Variants in PARD3B observed in about 807,000 individuals in gnomAD.
PARD3B encodes the protein par-3 family cell polarity regulator beta.
PARD3B carries 103 observed loss-of-function variants against 130.2 expected under a neutral mutation model. The ratio of observed to expected loss-of-function variants is 0.79; its 90% CI spans 0.67 to 0.93. The LOEUF is 0.93. Ranked by LOEUF, PARD3B falls within the 40% of genes least tolerant of loss-of-function variation. The pLI is 0.00. For missense variants in PARD3B, 1,609 were observed against 1,499.2 expected (o/e 1.07, Z -1.21); for synonymous variants, 583 against 553.2 (o/e 1.05, Z -0.76).
At chr2:204,828,188 A>T (rs1456495918) in intron 2 of PARD3B, among the ~76,000 whole-genome samples, 1 of 152,174 alleles carries the variant, frequency 6.6e-6, no homozygotes, top group Non-Finnish European at 1.5e-5. Context: ...TTAACCTCTA[A>T]GCAGCAATTG....
chr2:205,517,945 G>A (rs1293899578), intron 21 of PARD3B, among the ~76,000 whole-genome samples: 2 of 152,138 alleles, frequency 1.3e-5, no homozygotes, highest in Non-Finnish European at 2.9e-5. Context: ...TGGTCTGAGA[G>A]TGTGTTTGTT....
chr2:204,776,711 T>G (rs1223276135), intron 2 of PARD3B, among the ~76,000 whole-genome samples: 1 of 151,950 alleles, frequency 6.6e-6, no homozygotes, highest in Non-Finnish European at 1.5e-5. Context: ...ACTATTTGCC[T>G]GGGGTCTGGT....
intron 18 of PARD3B, among the ~76,000 whole-genome samples, chr2:205,367,532 T>C (rs1414442523): frequency 6.6e-6 from 1 of 152,200 alleles, no homozygotes; most frequent in East Asian, 1.9e-4. Flanking sequence ...CCCATCTGTC[T>C]AAAATGGTTT....
intron 11 of PARD3B, among the ~76,000 whole-genome samples, chr2:205,167,903 T>C (rs531229992): frequency 2.2e-4 from 33 of 152,304 alleles, no homozygotes; most frequent in African/African-American, 6.3e-4. Context: ...GCAAAAGACA[T>C]GCTCAAGGAC....
At chr2:204,670,527 C>G (rs2036249695) in intron 1 of PARD3B, among the ~76,000 whole-genome samples, 1 of 151,904 alleles carries the variant, frequency 6.6e-6, no homozygotes, top group African/African-American at 2.4e-5. Context: ...TCAAGGGATA[C>G]CAGTGTGCTT....
intron 4 of PARD3B, among the ~76,000 whole-genome samples, chr2:205,054,157 C>A (rs956113978): frequency 6.6e-6 from 1 of 151,636 alleles, no homozygotes; most frequent in Non-Finnish European, 1.5e-5. Context: ...TAGGAAAAAA[C>A]CTGAAGCCCA....
At chr2:205,368,965 A>G (rs545561972) in intron 18 of PARD3B, among the ~76,000 whole-genome samples, 1 of 152,252 alleles carries the variant, frequency 6.6e-6, no homozygotes, top group East Asian at 1.9e-4. Context: ...AGTGTGCTTC[A>G]TAACCTGTAC....
At position 205,442,290 on chromosome 2, in the gene PARD3B, C is replaced by CTTTT. The variant is rs71410814; in HGVS notation, c.3044+1641_3044+1644dup. On this transcript the variant is annotated intron_variant, in intron 20 of 22. Coordinates refer to ENST00000406610, the MANE Select transcript of PARD3B (RefSeq NM_001302769.2). ...GGTAAGCCACAAGGAACAGGTTTTC[C>CTTTT]TTTTTTTTTTTTTTTTTTTTTTTTT... 3.3e-3 allele frequency among the ~76,000 whole-genome samples: 346 copies of CTTTT among 105,988 alleles called. 15 individuals carry two copies. The highest frequency in any genetic ancestry group is 8.7e-3 in the South Asian group (28 of 3,212). 69.5% of individuals were successfully genotyped at this position (105,988 alleles called of 152,430 possible).
intron 19 of PARD3B, among the ~76,000 whole-genome samples, chr2:205,410,412 A>T (rs891031933): frequency 6.6e-6 from 1 of 152,096 alleles, no homozygotes; most frequent in African/African-American, 2.4e-5. Flanking sequence ...CTTCTGTTTT[A>T]TTATTCATTT....
chr2:205,074,349 C>T (rs1201390347), intron 4 of PARD3B, among the ~76,000 whole-genome samples: 1 of 152,096 alleles, frequency 6.6e-6, no homozygotes, highest in South Asian at 2.1e-4. Flanking sequence ...CAATGATTTT[C>T]CACTCATTTG....
At chr2:204,797,193 A>C (rs978367441) in intron 2 of PARD3B, among the ~76,000 whole-genome samples, 2 of 151,832 alleles carry the variant, frequency 1.3e-5, no homozygotes, top group Admixed American at 1.3e-4. Flanking sequence ...AAAAAAAAAA[A>C]AAGTTTATGC....
chr2:205,390,147 AC>A (rs1362630342), intron 18 of PARD3B, among the ~76,000 whole-genome samples: 1 of 151,404 alleles, frequency 6.6e-6, no homozygotes, highest in African/African-American at 2.4e-5. Context: ...TTGTATTTAT[AC>A]AATAAATGCT....
At chr2:205,003,318 T>G (rs1236549469) in intron 3 of PARD3B, among the ~76,000 whole-genome samples, 5 of 152,094 alleles carry the variant, frequency 3.3e-5, no homozygotes, top group Non-Finnish European at 5.9e-5. Context: ...TCTTAATTTC[T>G]CCATAATAGG....
Position 205,473,731 on chromosome 2 carries a change from C to A in PARD3B, c.3045-26165C>A, listed in dbSNP as rs1156870898. On this transcript the variant is annotated intron_variant, in intron 20 of 22. Coordinates refer to ENST00000406610, the MANE Select transcript of PARD3B (RefSeq NM_001302769.2). The surrounding 1 kb of genome is among the most constrained non-coding windows in gnomAD (Gnocchi z 4.9). The stretch of plus-strand genomic sequence containing the variant: ...ATATACACACACACGTATATAAAAC[C>A]CTAAATATATATATATATATATATA... 1.0e-4 allele frequency among the ~76,000 whole-genome samples: 10 copies of A among 98,818 alleles called. No individual in the cohort carries two copies. The highest frequency in any genetic ancestry group is 5.3e-3 in the Middle Eastern group (1 of 188). 64.8% of individuals were successfully genotyped at this position (98,818 alleles called of 152,430 possible).
chr2:205,355,964 ACCTGGTCT>A (rs2044176955), intron 18 of PARD3B, among the ~76,000 whole-genome samples: 1 of 152,170 alleles, frequency 6.6e-6, no homozygotes, highest in African/African-American at 2.4e-5. Context: ...AATTACCTCC[ACCTGGTCT>A]CTCCCTTGAT....
intron 2 of PARD3B, among the ~76,000 whole-genome samples, chr2:204,851,657 A>C (rs951739859): frequency 7.2e-5 from 11 of 152,218 alleles, no homozygotes; most frequent in Non-Finnish European, 1.5e-4. Flanking sequence ...ATAAATGGGC[A>C]CATTGCAATA....
At position 204,559,088 on chromosome 2, in the gene PARD3B, C is replaced by T. The variant is rs182219483; in HGVS notation, c.120+12969C>T. Among the ~76,000 whole-genome samples the T allele has an allele frequency of 3.3e-4, 50 of 152,196 alleles. No individual in the cohort carries two copies. In the East Asian group the frequency reaches 3.5e-3, roughly 11 times the overall value. ...ATGTTAGACCTAAAACCATGAAAAC[C>T]GTAGAAGAAAACCTAGGCAATACCA... On this transcript the variant is annotated intron_variant, in intron 1 of 22. Transcript: ENST00000406610.
chr2:205,618,468 T>C lies in PARD3B; in HGVS notation c.*2655T>C, dbSNP rs1246633406. ...CAGTAATGTGCCTGGGAGCAGGAAA[T>C]AGCTCCCAATTTATTTATGGCCTTG... On this transcript the variant is annotated 3_prime_UTR_variant, in exon 23 of 23. Transcript: ENST00000406610. 1 of 152,130 alleles carries C rather than the reference T, an allele frequency of 6.6e-6. No homozygotes were observed. The highest frequency in any genetic ancestry group is 1.5e-5 in the Non-Finnish European group (1 of 68,030). The allele number at this position is 152,130 out of a possible 1,614,324, so 9.4% of individuals were successfully genotyped here.
At position 205,346,295 on chromosome 2, in the gene PARD3B, T is replaced by G. The variant is rs564954251; in HGVS notation, c.2630+44594T>G. Among the ~76,000 whole-genome samples, 30 of 152,226 alleles carry G rather than the reference T, an allele frequency of 2.0e-4. 1 individual carries two copies. Among genetic ancestry groups the G allele is most frequent in the African/African-American group, 5.8e-4 (24 of 41,576 alleles). On this transcript the variant is annotated intron_variant, in intron 18 of 22. Coordinates refer to ENST00000406610, the MANE Select transcript of PARD3B (RefSeq NM_001302769.2). ...GGCCCCCCTGGAGCCATATTCCATC[T>G]GACAATATGGCTTGCCCATTTAGCT...
Sources: allele counts gnomAD v4.1 joint callset (sites outside exome capture counted in the v4.1 genomes callset), GRCh38; gene constraint gnomAD v4.1.1; non-coding constraint Gnocchi (gnomAD v3.1); transcripts MANE v1.5; gene names NCBI Gene and HGNC (gene_info 2026-07-23, HGNC 2026-07-21).